Variants in CHURC1 observed in about 807,000 individuals in gnomAD.
The protein encoded by CHURC1 is churchill domain containing 1.
A neutral mutation model predicts 15.4 loss-of-function variants in CHURC1; 12 were observed. That is an observed-to-expected ratio of 0.78 (90% CI 0.50 to 1.27). The LOEUF is 1.27. CHURC1 is among the 50% of genes most tolerant of loss of function. CHURC1 has a pLI of 0.00. For missense variants in CHURC1, 132 were observed against 137.8 expected (o/e 0.96, Z 0.21); for synonymous variants, 42 against 47.5 (o/e 0.88, Z 0.48).
Position 64,934,430 on chromosome 14 carries a change from C to A in CHURC1, c.*2200C>A. The A allele has an allele frequency of 1.0e-6, 1 of 985,048 alleles. No individual in the cohort carries two copies. Among genetic ancestry groups the A allele is most frequent in the African/African-American group, 1.7e-5 (1 of 57,322 alleles). 61.0% of individuals were successfully genotyped at this position (985,048 alleles called of 1,614,324 possible). On this transcript the variant is annotated 3_prime_UTR_variant, in exon 4 of 4. Coordinates refer to ENST00000549115, the MANE Select transcript of CHURC1 (RefSeq NM_001386928.1). ...ATCACACAGCTAGTGCAGTTACCCC[C>A]TCTCAGTAATTATGTTTGGCAAATA...
chr14:64,922,360 C>CCT, intron 1 of CHURC1, among the ~76,000 whole-genome samples: 1 of 151,774 alleles, frequency 6.6e-6, no homozygotes, highest in Non-Finnish European at 1.5e-5. Flanking sequence ...GGGCAGATCA[C>CCT]GAGGTCAGGA....
rs779160320 is a variant in CHURC1 at position 64,924,127 on chromosome 14, G to A, written c.175+1G>A. 1.2e-5 allele frequency: 19 copies of A among 1,600,938 alleles called. No individual in the cohort carries two copies. The highest frequency in any genetic ancestry group is 6.7e-5 in the East Asian group (3 of 44,568). On this transcript the variant is annotated splice_donor_variant, in intron 2 of 3. Coordinates refer to ENST00000549115, the MANE Select transcript of CHURC1 (RefSeq NM_001386928.1). LOFTEE classifies it high-confidence loss of function. ...GGAGAAGAAATAGTTACCTATGATC[G>A]TAAGTAGACTTTATTTTTTAACCTG...
chr14:64,931,274 C>T (rs1885061920), intron 3 of CHURC1, among the ~76,000 whole-genome samples: 1 of 152,196 alleles, frequency 6.6e-6, no homozygotes, highest in African/African-American at 2.4e-5. Flanking sequence ...TGGCTCACAC[C>T]TGTAATCCTG....
intron 2 of CHURC1, among the ~76,000 whole-genome samples, chr14:64,925,049 G>C (rs1416434369): frequency 6.6e-6 from 1 of 152,154 alleles, no homozygotes; most frequent in South Asian, 2.1e-4. Context: ...AGGGCATAGT[G>C]GTTTAAGAGC....
chr14:64,914,659 G>A, intron 1 of CHURC1, 125 bp downstream of exon 1: 1 of 1,545,348 alleles, frequency 6.5e-7, no homozygotes, highest in Non-Finnish European at 8.7e-7. Context: ...CGGTGACCCA[G>A]TAGCGGTATT....
intron 1 of CHURC1, among the ~76,000 whole-genome samples, chr14:64,921,042 A>C (rs968108754): frequency 6.6e-6 from 1 of 152,228 alleles, no homozygotes; most frequent in African/African-American, 2.4e-5. Flanking sequence ...TAGTCAAAGC[A>C]GACCCACATA....
At chr14:64,919,287 A>G (rs1884109167) in intron 1 of CHURC1, among the ~76,000 whole-genome samples, 1 of 152,234 alleles carries the variant, frequency 6.6e-6, no homozygotes, top group Admixed American at 6.5e-5. Context: ...TAGTAATGCA[A>G]CAGGAATACA....
chr14:64,930,369 A>T (rs1885011322), intron 3 of CHURC1, among the ~76,000 whole-genome samples: 1 of 152,144 alleles, frequency 6.6e-6, no homozygotes, highest in Non-Finnish European at 1.5e-5. Context: ...CCACAGAAGC[A>T]CTTCTATATA....
chr14:64,918,304 CT>C (rs971087698), intron 1 of CHURC1, among the ~76,000 whole-genome samples: 1 of 152,158 alleles, frequency 6.6e-6, no homozygotes, highest in Non-Finnish European at 1.5e-5. Context: ...GGGTCTTAGA[CT>C]TTGAATCAGA....
chr14:64,916,830 G>A (rs191787058), intron 1 of CHURC1, among the ~76,000 whole-genome samples: 58 of 152,114 alleles, frequency 3.8e-4, no homozygotes, highest in African/African-American at 1.3e-3. Context: ...CACCTGCCTC[G>A]GCCTCCCAAA....
Position 64,932,176 on chromosome 14 carries a change from AG to A in CHURC1, c.286del (p.Asp96IlefsTer13). Reference protein sequence around the residue: ...MLCLLCGKAEDTISILPDDPR... With the variant: ...MLCLLCGKAEXTISILPDDPR... Reference sequence around the variant, plus strand: ...TGTGTCTGTTATGCGGCAAAGCCGAAGATACTATCAGTATTCTCCCTGATGA... The same window carrying A: ...TGTGTCTGTTATGCGGCAAAGCCGAAATACTATCAGTATTCTCCCTGATGA... On this transcript the variant is annotated frameshift_variant, in exon 4 of 4. Transcript: ENST00000549115. LOFTEE classifies it high-confidence loss of function. 1 of 1,614,068 alleles carries A rather than the reference AG, an allele frequency of 6.2e-7. No individual in the cohort carries two copies. The highest frequency in any genetic ancestry group is 8.5e-7 in the Non-Finnish European group (1 of 1,179,940).
At chr14:64,924,169 T>A (rs1483542610) in intron 2 of CHURC1, 43 bp downstream of exon 2, 1 of 1,568,294 alleles carries the variant, frequency 6.4e-7, no homozygotes, top group Non-Finnish European at 8.7e-7. Context: ...TTAGCAGGTG[T>A]CAGCTTTTGG....
intron 1 of CHURC1, among the ~76,000 whole-genome samples, chr14:64,922,401 A>G (rs1401674540): frequency 3.3e-5 from 5 of 151,994 alleles, no homozygotes; most frequent in African/African-American, 1.2e-4. Flanking sequence ...GCATAGTGAA[A>G]CCCCATCTCT....
At position 64,923,978 on chromosome 14, in the gene CHURC1, T is replaced by G; in HGVS notation, c.40-13T>G. 2.7e-6 allele frequency: 4 copies of G among 1,502,414 alleles called. No individual in the cohort carries two copies. The highest frequency in any genetic ancestry group is 3.6e-6 in the Non-Finnish European group (4 of 1,120,458). The allele number at this position is 1,502,414 out of a possible 1,614,324, so 93.1% of individuals were successfully genotyped here. A position where few individuals can be genotyped will look rare whatever the true frequency, so the allele number is the denominator to read the frequency against. ...AATGTAAAGAAATTAAATTCCTGTTTCTGATATTTTAGGGTAATACCTGCC... is the reference window on the plus strand; with the variant it reads ...AATGTAAAGAAATTAAATTCCTGTTGCTGATATTTTAGGGTAATACCTGCC... On this transcript the variant is annotated splice_polypyrimidine_tract_variant and intron_variant, in intron 1 of 3. Coordinates refer to ENST00000549115, the MANE Select transcript of CHURC1 (RefSeq NM_001386928.1).
intron 1 of CHURC1, among the ~76,000 whole-genome samples, 167 bp downstream of exon 1, chr14:64,914,701 G>A (rs1485276115): frequency 6.6e-6 from 1 of 152,236 alleles, no homozygotes; most frequent in Non-Finnish European, 1.5e-5. Context: ...GTGGCGGTCT[G>A]CACCTCTGGT....
At chr14:64,926,485 A>G (rs576667113) in intron 3 of CHURC1, among the ~76,000 whole-genome samples, 1 of 152,292 alleles carries the variant, frequency 6.6e-6, no homozygotes, top group East Asian at 1.9e-4. Context: ...TTTTGTTTAT[A>G]AAGAATAGTA....
chr14:64,924,016 C>CT lies in CHURC1; in HGVS notation c.68dup (p.Leu25ThrfsTer11). 1 of 1,567,920 alleles carries CT rather than the reference C, an allele frequency of 6.4e-7. No individual in the cohort carries two copies. The highest frequency in any genetic ancestry group is 8.7e-7 in the Non-Finnish European group (1 of 1,154,320). On this transcript the variant is annotated frameshift_variant, in exon 2 of 4. Coordinates refer to ENST00000549115, the MANE Select transcript of CHURC1 (RefSeq NM_001386928.1). LOFTEE classifies it high-confidence loss of function. ...GGTAATACCTGCCTGGAGAATGGAT[C>CT]TTTCTTACTGAACTTTACAGGCTGT...
chr14:64,921,119 C>T (rs2139887942), intron 1 of CHURC1, among the ~76,000 whole-genome samples: 1 of 152,230 alleles, frequency 6.6e-6, no homozygotes, highest in East Asian at 1.9e-4. Context: ...GACAGTTCTT[C>T]AACAAATCTT....
rs756168630 is a variant in CHURC1 at position 64,932,136 on chromosome 14, A to G, written c.247-2A>G. The G allele has an allele frequency of 1.1e-4, 170 of 1,613,256 alleles. 3 individuals carry two copies. The East Asian group carries it at 3.7e-3, about 35-fold the overall frequency. On this transcript the variant is annotated splice_acceptor_variant, in intron 3 of 3. Transcript: ENST00000549115. LOFTEE classifies it high-confidence loss of function. ...GTAATTATGCACTTTATCTTGTTCTAGGAGTATACCATGCTGTGTCTGTTA... is the reference window on the plus strand; with the variant it reads ...GTAATTATGCACTTTATCTTGTTCTGGGAGTATACCATGCTGTGTCTGTTA...
Sources: gnomAD v4.1 joint callset for allele counts (sites outside exome capture counted in the v4.1 genomes callset) on GRCh38, gnomAD v4.1.1 for gene constraint, MANE v1.5 for transcripts, NCBI Gene and HGNC (gene_info 2026-07-23, HGNC 2026-07-21) for gene names.